Variants in SLC37A3 observed in about 807,000 individuals in gnomAD.
The protein encoded by SLC37A3 is solute carrier family 37 member 3.
A neutral mutation model predicts 67.1 loss-of-function variants in SLC37A3; 51 were observed. That is an observed-to-expected ratio of 0.76 (90% CI 0.61 to 0.96). SLC37A3 has a LOEUF of 0.96. SLC37A3 is among the 40% of genes least tolerant of loss of function. The probability of loss-of-function intolerance (pLI) is 0.00; values close to 1 mark genes in which losing one functional copy is unlikely to be tolerated. For missense variants in SLC37A3, 508 were observed against 603.0 expected, an observed-to-expected ratio of 0.84 and a Z score of 1.65; for synonymous variants, 214 against 231.4, an observed-to-expected ratio of 0.92 and a Z score of 0.68.
In SLC37A3 at chr7:140,384,790, G is replaced by T. The variant is rs886540639; in HGVS notation, c.-70-2194C>A. ...AGGGAAAAAATCCACAAAATGGCTT[G>T]TATGATAAATCTACAACAGTAGTCA... On this transcript the variant is annotated intron_variant, in intron 1 of 14. Transcript: ENST00000326232. 1.2e-4 allele frequency among the ~76,000 whole-genome samples: 18 copies of T among 152,242 alleles called. No homozygotes were observed. In the South Asian group the frequency reaches 3.7e-3, roughly 32 times the overall value.
In SLC37A3 at chr7:140,382,436, A is replaced by T. The variant is rs770008712; in HGVS notation, c.89+2T>A. 1 of 1,613,758 alleles carries T rather than the reference A, an allele frequency of 6.2e-7. No homozygotes were observed. Among genetic ancestry groups the T allele is most frequent in the South Asian group, 1.1e-5 (1 of 91,064 alleles). On this transcript the variant is annotated splice_donor_variant, in intron 2 of 14. Transcript: ENST00000326232. LOFTEE classifies it high-confidence loss of function. The stretch of plus-strand genomic sequence containing the variant: ...GGAGAGCAGCTTTGGCAACATGCTT[A>T]CCTGAAGAAAGTGAGCAGGAACACT...
At position 140,358,864 on chromosome 7, in the gene SLC37A3, CAGAGT is replaced by C. The variant is rs1797146346; in HGVS notation, c.376-84_376-80del. On this transcript the variant is annotated intron_variant, in intron 5 of 14. Transcript: ENST00000326232. Reference sequence around the variant, plus strand: ...TGGACGCCACTCTACCCACTTGCTTCAGAGTAGAGACCACGTGAAGGATACACTCA... The same window carrying C: ...TGGACGCCACTCTACCCACTTGCTTCAGAGACCACGTGAAGGATACACTCA... 9 of 1,553,384 alleles carry C rather than the reference CAGAGT, an allele frequency of 5.8e-6. No homozygotes were observed. The South Asian group carries it at 1.0e-4, about 18-fold the overall frequency.
At chr7:140,346,559 G>C (rs1796569549) in intron 10 of SLC37A3, among the ~76,000 whole-genome samples, 1 of 152,206 alleles carries the variant, frequency 6.6e-6, no homozygotes, top group Non-Finnish European at 1.5e-5. Flanking sequence ...AACAAGTTGT[G>C]AATGCTATTT....
intron 3 of SLC37A3, chr7:140,370,602 C>A (rs918255297): frequency 1.3e-5 from 2 of 152,052 alleles, no homozygotes; most frequent in Non-Finnish European, 2.9e-5. Flanking sequence ...CAGTGGTTGC[C>A]TAGGGCTGAC....
chr7:140,351,897 G>C (rs1396782121), intron 8 of SLC37A3, 165 bp downstream of exon 8: 1 of 746,988 alleles, frequency 1.3e-6, no homozygotes, highest in Non-Finnish European at 2.4e-6. Context: ...GCCAGGGGCT[G>C]GCTACAATGT....
intron 1 of SLC37A3, among the ~76,000 whole-genome samples, chr7:140,385,487 A>G (rs1265466864): frequency 6.6e-6 from 1 of 152,186 alleles, no homozygotes; most frequent in African/African-American, 2.4e-5. Flanking sequence ...TTCCCACCTC[A>G]AAACACTGTA....
At chr7:140,391,048 G>A (rs1413158680) in intron 1 of SLC37A3, among the ~76,000 whole-genome samples, 1 of 152,166 alleles carries the variant, frequency 6.6e-6, no homozygotes, top group Non-Finnish European at 1.5e-5. Context: ...CAAAGGGCAT[G>A]CAACACTGCC....
chr7:140,380,727 T>C (rs1563047194), intron 2 of SLC37A3, among the ~76,000 whole-genome samples: 1 of 151,914 alleles, frequency 6.6e-6, no homozygotes, highest in Admixed American at 6.6e-5. Flanking sequence ...CTTAGCTACT[T>C]AGGCTACTCA....
chr7:140,361,773 A>T (rs1797312091), intron 5 of SLC37A3, among the ~76,000 whole-genome samples: 1 of 141,410 alleles, frequency 7.1e-6, no homozygotes, highest in African/African-American at 2.6e-5. Context: ...GCTGGTCTCC[A>T]GCTCCTAACC....
chr7:140,366,611 G>T (rs12669654), intron 4 of SLC37A3, among the ~76,000 whole-genome samples: 82,467 of 151,976 alleles, frequency 0.54, 22,501 homozygotes, highest in South Asian at 0.58. Context: ...TCGCAACCAA[G>T]TTTAACACAG....
intron 1 of SLC37A3, among the ~76,000 whole-genome samples, chr7:140,393,392 G>A (rs553844883): frequency 6.6e-6 from 1 of 152,198 alleles, no homozygotes; most frequent in Non-Finnish European, 1.5e-5. Context: ...CCCCCACTGG[G>A]CAGCTGGGTG....
intron 3 of SLC37A3, 29 bp from the exon 4 acceptor site, chr7:140,369,711 T>A (rs1346562175): frequency 8.8e-6 from 14 of 1,592,150 alleles, no homozygotes; most frequent in Non-Finnish European, 1.2e-5. Flanking sequence ...AACAGGTCAG[T>A]CCCTGTAGAA....
chr7:140,361,508 TCC>T (rs1563027251), intron 5 of SLC37A3, among the ~76,000 whole-genome samples: 1 of 47,144 alleles, frequency 2.1e-5, no homozygotes, highest in Non-Finnish European at 4.0e-5. Flanking sequence ...CCCCTCCCCC[TCC>T]CCCTCCCCCT....
rs1585285890 is a variant in SLC37A3 at position 140,355,693 on chromosome 7, G to A, written c.593C>T (p.Ser198Phe). The stretch of plus-strand genomic sequence containing the variant: ...CTCATAACCATACTGAAGAACAGAA[G>A]AAGCTAGGCACGCTCCCAAAATGTT... ...VGNILGACLA[S>F]SVLQYGYEYA... The change falls in exon 7 of 15, where the codon TCT (serine) becomes TTT (phenylalanine). Residue 198 changes from serine to phenylalanine, a missense_variant. Ser to Phe is a radical substitution (Grantham distance 155, BLOSUM62 -2). Coordinates refer to ENST00000326232, the MANE Select transcript of SLC37A3 (RefSeq NM_207113.3). The A allele has an allele frequency of 6.2e-7, 1 of 1,613,832 alleles. No individual in the cohort carries two copies. Among genetic ancestry groups the A allele is most frequent in the East Asian group, 2.2e-5 (1 of 44,860 alleles).
intron 8 of SLC37A3, chr7:140,351,684 T>C: frequency 1.7e-6 from 1 of 575,728 alleles, no homozygotes; most frequent in Non-Finnish European, 3.1e-6. Flanking sequence ...CATTTGTATG[T>C]AATCTGTATT....
At chr7:140,362,726 T>TG (rs202031059) in intron 5 of SLC37A3, among the ~76,000 whole-genome samples, 17 of 36,654 alleles carry the variant, frequency 4.6e-4, no homozygotes, top group African/African-American at 1.5e-3. Flanking sequence ...GGGAGGGAGG[T>TG]GGGGGGTCAG....
In SLC37A3 at chr7:140,398,482, G is replaced by C. The variant is rs953757800; in HGVS notation, c.-137C>G. ...CTCGCCGGGTCAGCTTGGCTCCGCT[G>C]CCCGCCTCCCCCGCCGCCAGCTCAC... is the stretch of plus-strand genomic sequence containing the variant. On this transcript the variant is annotated 5_prime_UTR_variant, in exon 1 of 15. Coordinates refer to ENST00000326232, the MANE Select transcript of SLC37A3 (RefSeq NM_207113.3). The C allele has an allele frequency of 6.6e-6, 1 of 152,296 alleles. No homozygotes were observed. Among genetic ancestry groups the C allele is most frequent in the African/African-American group, 2.4e-5 (1 of 41,426 alleles). The allele number at this position is 152,296 out of a possible 1,614,324, so 9.4% of individuals were successfully genotyped here.
At chr7:140,364,689 C>T (rs1489541527) in intron 4 of SLC37A3, among the ~76,000 whole-genome samples, 198 bp from the exon 5 acceptor site, 2 of 147,804 alleles carry the variant, frequency 1.4e-5, no homozygotes, top group Non-Finnish European at 3.0e-5. Context: ...GTCAGTAATA[C>T]AGTGAAAACA....
intron 13 of SLC37A3, 126 bp downstream of exon 13, chr7:140,343,286 C>G: frequency 7.4e-7 from 1 of 1,349,034 alleles, no homozygotes; most frequent in Non-Finnish European, 1.0e-6. Flanking sequence ...GACGGAAGTC[C>G]TTGGGCTCTG....
Sources: allele counts gnomAD v4.1 joint callset (sites outside exome capture counted in the v4.1 genomes callset), GRCh38; gene constraint gnomAD v4.1.1; transcripts MANE v1.5; gene names NCBI Gene and HGNC (gene_info 2026-07-23, HGNC 2026-07-21).